NRG3: variants seen among roughly 807,000 people sequenced by gnomAD.
The protein encoded by NRG3 is pro-neuregulin-3, membrane-bound isoform.
Under a neutral mutation model 66.9 loss-of-function variants are expected in NRG3, and 31 were observed. The ratio of observed to expected loss-of-function variants is 0.46; its 90% CI spans 0.35 to 0.63. The LOEUF is 0.63. Ranked by LOEUF, NRG3 falls within the 20% of genes least tolerant of loss-of-function variation. NRG3 has a pLI of 0.00. For synonymous variants in NRG3, 393 were observed against 359.4 expected, an observed-to-expected ratio of 1.09 and a Z score of -1.06; for missense variants, 910 against 878.9, an observed-to-expected ratio of 1.04 and a Z score of -0.45.
chr10:82,732,911 G>C (rs149428207), intron 2 of NRG3, among the ~76,000 whole-genome samples: 1 of 152,164 alleles, frequency 6.6e-6, no homozygotes, highest in Admixed American at 6.5e-5. Flanking sequence ...TATCTGGAGG[G>C]TTTGTTCCTT....
At chr10:81,991,728 A>G (rs2060749338) in intron 1 of NRG3, among the ~76,000 whole-genome samples, 1 of 152,166 alleles carries the variant, frequency 6.6e-6, no homozygotes, top group Non-Finnish European at 1.5e-5. Flanking sequence ...ATTTGATGAT[A>G]TTTAATAATA....
At chr10:82,964,023 A>G (rs1361416700) in intron 6 of NRG3, among the ~76,000 whole-genome samples, 2 of 152,224 alleles carry the variant, frequency 1.3e-5, no homozygotes, top group Non-Finnish European at 2.9e-5. Context: ...TTAATTTTTA[A>G]TAGTTCTAGC....
chr10:82,895,948 G>A (rs544523022), intron 4 of NRG3, among the ~76,000 whole-genome samples: 49 of 152,208 alleles, frequency 3.2e-4, no homozygotes, highest in Non-Finnish European at 5.4e-4. Flanking sequence ...TGATAGGATC[G>A]AATGAAATAC....
chr10:82,528,726 A>T (rs766146542), intron 2 of NRG3, among the ~76,000 whole-genome samples: 6 of 152,136 alleles, frequency 3.9e-5, no homozygotes, highest in Non-Finnish European at 5.9e-5. Context: ...GAGCCAGGCA[A>T]TTGCTATTTA....
intron 4 of NRG3, among the ~76,000 whole-genome samples, chr10:82,892,874 T>G (rs1441113518): frequency 6.6e-6 from 1 of 151,994 alleles, no homozygotes; most frequent in Admixed American, 6.6e-5. Flanking sequence ...AATGTTTACC[T>G]AACTAGGAAG....
intron 1 of NRG3, among the ~76,000 whole-genome samples, chr10:82,003,989 AC>A (rs1262127142): frequency 1.6e-4 from 4 of 25,700 alleles, no homozygotes; most frequent in Admixed American, 1.1e-3. Context: ...CTGACTGAAA[AC>A]ACACACACAC....
chr10:82,825,000 C>T (rs769785411), intron 3 of NRG3, among the ~76,000 whole-genome samples: 3 of 152,136 alleles, frequency 2.0e-5, no homozygotes, highest in Non-Finnish European at 2.9e-5. Context: ...AGGTGAGCCA[C>T]CACACCCAGT....
rs550585936 is a variant in NRG3, at chr10:82,117,015, C to T, written c.823+240852C>T. ...AGCTGCTGACTGGCCCCCAATGCAG[C>T]CCCACAATGTACCCCTACAGCTCTT... On this transcript the variant is annotated intron_variant, in intron 1 of 8. Coordinates refer to ENST00000372141, the MANE Select transcript of NRG3 (RefSeq NM_001010848.4). 1.5e-4 allele frequency among the ~76,000 whole-genome samples: 23 copies of T among 152,196 alleles called. No individual in the cohort carries two copies. In the East Asian group the frequency reaches 4.1e-3, roughly 27 times the overall value.
intron 8 of NRG3, among the ~76,000 whole-genome samples, chr10:82,981,193 A>G (rs1008052660): frequency 6.6e-6 from 1 of 152,158 alleles, no homozygotes; most frequent in African/African-American, 2.4e-5. Context: ...TGTTCAGGCA[A>G]TGCTTTGCTT....
At chr10:82,372,061 C>G (rs2084928881) in intron 2 of NRG3, among the ~76,000 whole-genome samples, 2 of 152,148 alleles carry the variant, frequency 1.3e-5, no homozygotes, top group South Asian at 4.1e-4. Flanking sequence ...TTCCAAAAAT[C>G]AGTGCTCATG....
At chr10:82,357,978 C>T (rs950122564) in intron 1 of NRG3, among the ~76,000 whole-genome samples, 4 of 152,118 alleles carry the variant, frequency 2.6e-5, no homozygotes, top group African/African-American at 9.7e-5. Flanking sequence ...GTAATTGGAA[C>T]AATGTCTACA....
intron 4 of NRG3, among the ~76,000 whole-genome samples, chr10:82,949,764 A>G (rs1849349468): frequency 6.6e-6 from 1 of 152,038 alleles, no homozygotes; most frequent in African/African-American, 2.4e-5. Flanking sequence ...CTGAAGCAGG[A>G]GGATCACGTG....
At chr10:82,100,069 G>T (rs751457646) in intron 1 of NRG3, among the ~76,000 whole-genome samples, 1 of 151,222 alleles carries the variant, frequency 6.6e-6, no homozygotes, top group Non-Finnish European at 1.5e-5. Flanking sequence ...ATTTAATTAG[G>T]TCTTCTTTAA....
chr10:82,139,199 C>T (rs1352896231), intron 1 of NRG3, among the ~76,000 whole-genome samples: 1 of 152,128 alleles, frequency 6.6e-6, no homozygotes. Flanking sequence ...CTCTAACAAG[C>T]AAGCTCCTGA....
chr10:82,315,090 T>C (rs2081226413), intron 1 of NRG3, among the ~76,000 whole-genome samples: 1 of 152,184 alleles, frequency 6.6e-6, no homozygotes, highest in Non-Finnish European at 1.5e-5. Context: ...ATCAGCATAA[T>C]GCAATTTCCA....
intron 2 of NRG3, among the ~76,000 whole-genome samples, chr10:82,362,737 G>T (rs1008237828): frequency 2.0e-5 from 3 of 151,782 alleles, no homozygotes; most frequent in African/African-American, 7.3e-5. Context: ...AGTGAAAACA[G>T]ATTGTGGTAT....
chr10:82,712,635 A>G (rs373468346), intron 2 of NRG3, among the ~76,000 whole-genome samples: 2 of 152,184 alleles, frequency 1.3e-5, no homozygotes, highest in African/African-American at 4.8e-5. Flanking sequence ...GATGCTCGCA[A>G]TGGGAGTCAG....
chr10:82,887,717 G>A (rs1842841234), intron 4 of NRG3, among the ~76,000 whole-genome samples: 1 of 152,206 alleles, frequency 6.6e-6, no homozygotes, highest in African/African-American at 2.4e-5. Context: ...CACTGCACAA[G>A]CTCTATCTCC....
intron 1 of NRG3, among the ~76,000 whole-genome samples, chr10:82,209,704 A>T (rs548359499): frequency 5.3e-5 from 8 of 152,284 alleles, no homozygotes; most frequent in African/African-American, 1.9e-4. Context: ...TTCAAGTAGG[A>T]TGCTTAGGAA....
Sources: allele counts gnomAD v4.1 joint callset (sites outside exome capture counted in the v4.1 genomes callset), GRCh38; gene constraint gnomAD v4.1.1; transcripts MANE v1.5; gene names NCBI Gene and HGNC (gene_info 2026-07-23, HGNC 2026-07-21).